Variants in PHKB observed in about 807,000 individuals in gnomAD.
PHKB encodes the protein phosphorylase kinase regulatory subunit beta.
In PHKB, 122 loss-of-function variants were observed where a neutral mutation model predicts 152.1. The observed-to-expected ratio is 0.80, with a 90% CI of 0.69 to 0.93. The LOEUF is 0.93. PHKB is among the 40% of genes least tolerant of loss of function. The pLI, the probability that PHKB is intolerant of heterozygous loss-of-function variation, is 0.00. For synonymous variants in PHKB, 436 were observed against 464.9 expected (o/e 0.94, Z 0.80); for missense variants, 1,304 against 1,328.4 (o/e 0.98, Z 0.29).
At chr16:47,599,748 A>G (rs1294569486) in intron 13 of PHKB, among the ~76,000 whole-genome samples, 1 of 152,234 alleles carries the variant, frequency 6.6e-6, no homozygotes, top group African/African-American at 2.4e-5. Flanking sequence ...CTATGAAACC[A>G]CATACATATC....
intron 6 of PHKB, among the ~76,000 whole-genome samples, chr16:47,528,552 ATTT>A (rs980356577): frequency 6.7e-6 from 1 of 148,658 alleles, no homozygotes; most frequent in Non-Finnish European, 1.5e-5. Context: ...ACCAGGCTCA[ATTT>A]TTTTTTTTCG....
intron 26 of PHKB, among the ~76,000 whole-genome samples, chr16:47,681,280 T>G (rs1973849421): frequency 1.3e-5 from 2 of 150,860 alleles, no homozygotes; most frequent in Admixed American, 1.4e-4. Context: ...TAGATGTCTA[T>G]TAGGTCCACT....
At chr16:47,462,117 G>A (rs1484707028) in intron 1 of PHKB, 2 of 152,172 alleles carry the variant, frequency 1.3e-5, no homozygotes, top group Admixed American at 6.5e-5. Flanking sequence ...TGTTCAAATT[G>A]CAACGTCATG....
intron 27 of PHKB, among the ~76,000 whole-genome samples, chr16:47,690,937 G>A (rs183445019): frequency 2.6e-5 from 4 of 152,200 alleles, no homozygotes; most frequent in East Asian, 3.9e-4. Flanking sequence ...AGGGCATGAT[G>A]GGCCGGGCAT....
Position 47,588,894 on chromosome 16 carries a change from A to C in PHKB, c.871-11A>C, listed in dbSNP as rs1971980285. On this transcript the variant is annotated splice_polypyrimidine_tract_variant and intron_variant, in intron 9 of 30. Transcript: ENST00000323584. Reference sequence around the variant, plus strand: ...TGGACACTCACAGTCTCTCTTTCTCATTGCCTCCAGAATACAGATGCTGCC... The same window carrying C: ...TGGACACTCACAGTCTCTCTTTCTCCTTGCCTCCAGAATACAGATGCTGCC... The C allele has an allele frequency of 6.2e-7, 1 of 1,610,920 alleles. No homozygotes were observed. Among genetic ancestry groups the C allele is most frequent in the Non-Finnish European group, 8.5e-7 (1 of 1,177,562 alleles).
intron 14 of PHKB, among the ~76,000 whole-genome samples, chr16:47,621,472 A>T (rs1238182161): frequency 2.6e-5 from 4 of 152,182 alleles, no homozygotes; most frequent in Admixed American, 6.5e-5. Context: ...AGATTTAAGG[A>T]TATTTAAGGT....
At chr16:47,592,196 C>T (rs988927922) in intron 10 of PHKB, among the ~76,000 whole-genome samples, 5 of 152,178 alleles carry the variant, frequency 3.3e-5, no homozygotes, top group Non-Finnish European at 7.3e-5. Flanking sequence ...TCCAGCTGGT[C>T]CTGTTTTTTG....
intron 6 of PHKB, among the ~76,000 whole-genome samples, chr16:47,521,423 G>A (rs536329555): frequency 6.6e-6 from 1 of 152,124 alleles, no homozygotes; most frequent in Non-Finnish European, 1.5e-5. Flanking sequence ...GGAAGCCGAG[G>A]CAGGTGGATC....
chr16:47,685,840 C>G (rs951923540), intron 26 of PHKB, among the ~76,000 whole-genome samples: 3 of 150,616 alleles, frequency 2.0e-5, no homozygotes, highest in African/African-American at 7.3e-5. Context: ...CTCCTGGGTT[C>G]ACACCATTCT....
At chr16:47,537,784 C>T (rs1970977099) in intron 6 of PHKB, among the ~76,000 whole-genome samples, 1 of 151,724 alleles carries the variant, frequency 6.6e-6, no homozygotes, top group Admixed American at 6.6e-5. Context: ...GGAAATATTT[C>T]AAAGCAAAGG....
chr16:47,665,490 C>A (rs925456143), intron 25 of PHKB: 15 of 256,008 alleles, frequency 5.9e-5, no homozygotes, highest in African/African-American at 3.0e-4. Flanking sequence ...AGTGAATCCT[C>A]TAATCCAGAG....
intron 7 of PHKB, chr16:47,561,974 G>C (rs1393474372): frequency 6.6e-6 from 1 of 152,062 alleles, no homozygotes; most frequent in Non-Finnish European, 1.5e-5. Flanking sequence ...GAGAGGGGTG[G>C]GTATGTTGTC....
In PHKB at chr16:47,596,520, C is replaced by T. The variant is rs1377162432; in HGVS notation, c.1352C>T (p.Ala451Val). ...FLWGQALYII[A>V]KLLADELISP... ...TGGGGACAAGCACTTTATATCATCGCAAAACTCCTGGGTAAGTGGAGAAGA... is the reference window on the plus strand; with the variant it reads ...TGGGGACAAGCACTTTATATCATCGTAAAACTCCTGGGTAAGTGGAGAAGA... Residue 451 changes from alanine (A) to valine (V), a missense_variant, in exon 13 of 31, where the codon GCA (alanine) becomes GTA (valine). Physicochemically the swap from Ala to Val is moderately conservative, Grantham distance 64. Coordinates refer to ENST00000323584, the MANE Select transcript of PHKB (RefSeq NM_000293.3). 3.1e-6 allele frequency: 5 copies of T among 1,613,708 alleles called. No homozygotes were observed. Among genetic ancestry groups the T allele is most frequent in the Middle Eastern group, 1.7e-4 (1 of 6,060 alleles).
At chr16:47,599,177 A>C (rs893397269) in intron 13 of PHKB, among the ~76,000 whole-genome samples, 7 of 152,236 alleles carry the variant, frequency 4.6e-5, no homozygotes, top group African/African-American at 1.7e-4. Flanking sequence ...TAACTTATGT[A>C]AGGATAAGAA....
At chr16:47,609,161 C>T (rs954391764) in intron 13 of PHKB, among the ~76,000 whole-genome samples, 10 of 152,172 alleles carry the variant, frequency 6.6e-5, no homozygotes, top group African/African-American at 1.7e-4. Context: ...GAAGTGATCA[C>T]ATAGTGTTTT....
intron 26 of PHKB, among the ~76,000 whole-genome samples, chr16:47,680,637 C>T (rs886191915): frequency 8.6e-5 from 13 of 151,932 alleles, no homozygotes; most frequent in Admixed American, 1.3e-4. Flanking sequence ...TTTTTTATTG[C>T]GTCTATTTGA....
chr16:47,581,669 G>A (rs1464284861), intron 8 of PHKB, among the ~76,000 whole-genome samples: 1 of 152,146 alleles, frequency 6.6e-6, no homozygotes, highest in Non-Finnish European at 1.5e-5. Context: ...ATCTCTTGTT[G>A]CTATTGTTTT....
intron 1 of PHKB, among the ~76,000 whole-genome samples, chr16:47,493,903 A>G (rs547660968): frequency 6.6e-6 from 1 of 152,364 alleles, no homozygotes; most frequent in South Asian, 2.1e-4. Flanking sequence ...GAAAAATGAA[A>G]GTCACAAATC....
rs950501472 is a variant in PHKB at position 47,533,566 on chromosome 16, G to A, written c.595-13867G>A. 2.0e-5 allele frequency among the ~76,000 whole-genome samples: 3 copies of A among 152,308 alleles called. 1 individual carries two copies. Among genetic ancestry groups the A allele is most frequent in the East Asian group, 1.9e-4 (1 of 5,176 alleles). ...TCTGGAGGGGGCCGAGGCTGCAGGG[G>A]GCTGGCATGTTTGCACCGCCCTGAG... On this transcript the variant is annotated intron_variant, in intron 6 of 30. Coordinates refer to ENST00000323584, the MANE Select transcript of PHKB (RefSeq NM_000293.3).
Sources: gnomAD v4.1 joint callset for allele counts (sites outside exome capture counted in the v4.1 genomes callset) on GRCh38, gnomAD v4.1.1 for gene constraint, MANE v1.5 for transcripts, NCBI Gene and HGNC (gene_info 2026-07-23, HGNC 2026-07-21) for gene names.